Variants in SCD5 observed in about 807,000 individuals in gnomAD.
SCD5 encodes the protein acyl-CoA-desaturase 4.
In SCD5, 20 loss-of-function variants were observed where a neutral mutation model predicts 30.4. The observed-to-expected ratio is 0.66, with a 90% CI of 0.46 to 0.96. The LOEUF is 0.96. Ranked by LOEUF, SCD5 falls within the 40% of genes least tolerant of loss-of-function variation. SCD5 has a pLI of 0.00. For missense variants in SCD5, 381 were observed against 443.3 expected, an observed-to-expected ratio of 0.86 and a Z score of 1.26; for synonymous variants, 173 against 176.4, an observed-to-expected ratio of 0.98 and a Z score of 0.16.
intron 2 of SCD5, among the ~76,000 whole-genome samples, chr4:82,691,384 T>C (rs7655904): frequency 0.8 from 121,495 of 151,894 alleles, 48,799 homozygotes; most frequent in Middle Eastern, 0.87. Context: ...GGTGGAAGTG[T>C]GGGAGGGAGA....
chr4:82,737,121 T>C lies in SCD5; in HGVS notation c.233-31708A>G, dbSNP rs148837916. Among the ~76,000 whole-genome samples the C allele has an allele frequency of 3.4e-3, 516 of 152,314 alleles. 4 individuals are homozygous for C. Among genetic ancestry groups the C allele is most frequent in the African/African-American group, 0.012 (479 of 41,572 alleles). On this transcript the variant is annotated intron_variant, in intron 1 of 4. Coordinates refer to ENST00000319540, the MANE Select transcript of SCD5 (RefSeq NM_001037582.3). ...TTCGCCATGTTGCTTTCCAGAAATA[T>C]TGTACTAATTTATGTTTGTATGAGG...
chr4:82,692,978 G>A (rs753763583), intron 2 of SCD5, among the ~76,000 whole-genome samples: 9 of 152,188 alleles, frequency 5.9e-5, no homozygotes, highest in Admixed American at 5.2e-4. Flanking sequence ...CTGGGGAAGC[G>A]AGGAGGAGAC....
intron 4 of SCD5, among the ~76,000 whole-genome samples, chr4:82,636,017 A>C (rs970419663): frequency 6.6e-6 from 1 of 152,206 alleles, no homozygotes; most frequent in African/African-American, 2.4e-5. Flanking sequence ...GAACATTTCC[A>C]TGGTCATGGT....
chr4:82,722,561 C>T (rs1167698865), intron 1 of SCD5, among the ~76,000 whole-genome samples: 1 of 152,076 alleles, frequency 6.6e-6, no homozygotes, highest in Non-Finnish European at 1.5e-5. Flanking sequence ...GTCAGGGGTT[C>T]GAGACCAGCC....
chr4:82,712,257 T>TGTAC (rs1720110900), intron 1 of SCD5, among the ~76,000 whole-genome samples: 1 of 35,822 alleles, frequency 2.8e-5, no homozygotes, highest in African/African-American at 1.8e-4. Flanking sequence ...TATATATATA[T>TGTAC]ATATATATAT....
At chr4:82,682,469 T>C (rs1466055592) in intron 2 of SCD5, among the ~76,000 whole-genome samples, 2 of 152,180 alleles carry the variant, frequency 1.3e-5, no homozygotes, top group African/African-American at 2.4e-5. Context: ...GTGCTTTTGA[T>C]AGGAAAATCT....
chr4:82,695,294 A>T (rs962453997), intron 2 of SCD5, among the ~76,000 whole-genome samples: 1 of 152,148 alleles, frequency 6.6e-6, no homozygotes, highest in Non-Finnish European at 1.5e-5. Context: ...TTTAATTTCC[A>T]ATAAGCTCTC....
At chr4:82,764,497 GT>G (rs1721445427) in intron 1 of SCD5, among the ~76,000 whole-genome samples, 1 of 151,856 alleles carries the variant, frequency 6.6e-6, no homozygotes, top group Non-Finnish European at 1.5e-5. Context: ...ATAACTCTTT[GT>G]TTTTAGTGGT....
At chr4:82,722,732 T>C (rs1290340751) in intron 1 of SCD5, among the ~76,000 whole-genome samples, 1 of 150,110 alleles carries the variant, frequency 6.7e-6, no homozygotes. Flanking sequence ...ACCACTGCAC[T>C]CCAGCATGGG....
At chr4:82,753,726 C>G (rs937478579) in intron 1 of SCD5, among the ~76,000 whole-genome samples, 7 of 152,104 alleles carry the variant, frequency 4.6e-5, no homozygotes, top group African/African-American at 1.2e-4. Context: ...TTGCCTCCCC[C>G]CTCAGCCATC....
intron 1 of SCD5, among the ~76,000 whole-genome samples, chr4:82,738,290 C>T (rs371780042): frequency 8.6e-5 from 13 of 152,000 alleles, no homozygotes; most frequent in Admixed American, 2.6e-4. Flanking sequence ...GGTGTGGTGG[C>T]GTGCGTCTGT....
chr4:82,664,990 T>TA (rs1728138777), intron 3 of SCD5, among the ~76,000 whole-genome samples: 1 of 111,756 alleles, frequency 8.9e-6, no homozygotes, highest in Non-Finnish European at 1.7e-5. Context: ...TCTCTCTCTC[T>TA]CTCTCTCTCT....
In SCD5 at chr4:82,680,777, C is replaced by T; in HGVS notation, c.499G>A (p.Val167Ile). The change falls in exon 3 of 5, where the codon GTT (valine) becomes ATT (isoleucine). Residue 167 changes from valine (V) to isoleucine (I), a missense_variant. By Grantham distance (29) the Val-to-Ile change is conservative (BLOSUM62 3). Transcript: ENST00000319540. Reference sequence around the variant, plus strand: ...TCAAGCTTTCTCCCCTTCTCAATAACATCTCGATGCTTGCGAACAAACAGC... The same window carrying T: ...TCAAGCTTTCTCCCCTTCTCAATAATATCTCGATGCTTGCGAACAAACAGC... Reference protein sequence around the residue: ...GWLFVRKHRDVIEKGRKLDVT... With the variant: ...GWLFVRKHRDIIEKGRKLDVT... 6.2e-7 allele frequency: 1 copy of T among 1,614,036 alleles called. No individual in the cohort carries two copies. The highest frequency in any genetic ancestry group is 1.1e-5 in the South Asian group (1 of 91,078).
At chr4:82,680,951 G>T in intron 2 of SCD5, 39 bp from the exon 3 acceptor site, 1 of 1,567,688 alleles carries the variant, frequency 6.4e-7, no homozygotes, top group Non-Finnish European at 8.7e-7. Context: ...GAGAGGAACC[G>T]CACCGCCGAG....
chr4:82,777,958 G>A (rs1252614764), intron 1 of SCD5, among the ~76,000 whole-genome samples: 2 of 140,320 alleles, frequency 1.4e-5, no homozygotes, highest in Non-Finnish European at 3.0e-5. Context: ...CAAAGTCATG[G>A]AACCAACCCA....
intron 1 of SCD5, among the ~76,000 whole-genome samples, chr4:82,738,714 G>A (rs923585391): frequency 6.6e-6 from 1 of 152,180 alleles, no homozygotes; most frequent in African/African-American, 2.4e-5. Context: ...TGGTGAGAGG[G>A]AACATTTCTC....
At chr4:82,719,035 A>G (rs1720296746) in intron 1 of SCD5, among the ~76,000 whole-genome samples, 1 of 151,784 alleles carries the variant, frequency 6.6e-6, no homozygotes, top group African/African-American at 2.4e-5. Context: ...GCTCGCTGCT[A>G]GCCGAGTTCT....
chr4:82,792,518 C>T (rs1449465367), intron 1 of SCD5, among the ~76,000 whole-genome samples: 1 of 152,188 alleles, frequency 6.6e-6, no homozygotes. Flanking sequence ...AAGACCAGCC[C>T]TGGCAACATA....
At chr4:82,794,958 G>C (rs377343430) in intron 1 of SCD5, among the ~76,000 whole-genome samples, 72 of 152,152 alleles carry the variant, frequency 4.7e-4, no homozygotes, top group African/African-American at 1.5e-3. Context: ...GCCGCTTTCT[G>C]TCCTTGAAAG....
Sources: gnomAD v4.1 joint callset for allele counts (sites outside exome capture counted in the v4.1 genomes callset) on GRCh38, gnomAD v4.1.1 for gene constraint, MANE v1.5 for transcripts, NCBI Gene and HGNC (gene_info 2026-07-23, HGNC 2026-07-21) for gene names.